Variants in SLC6A3 observed in about 807,000 individuals in gnomAD.
The protein encoded by SLC6A3 is sodium-dependent dopamine transporter.
A neutral mutation model predicts 70.4 loss-of-function variants in SLC6A3; 19 were observed. That is an observed-to-expected ratio of 0.27 (90% CI 0.19 to 0.40). The LOEUF (loss-of-function observed/expected upper bound fraction) is 0.40. SLC6A3 is among the 10% of genes least tolerant of loss of function. The pLI, the probability that SLC6A3 is intolerant of heterozygous loss-of-function variation, is 1.00. For synonymous variants in SLC6A3, 368 were observed against 356.6 expected (o/e 1.03, Z -0.36); for missense variants, 613 against 838.5 (o/e 0.73, Z 3.32).
Position 1,432,498 on chromosome 5 carries a change from T to C in SLC6A3, c.619A>G (p.Thr207Ala), listed in dbSNP as rs1560923401. The C allele has an allele frequency of 6.2e-7, 1 of 1,614,140 alleles. No homozygotes were observed. Among genetic ancestry groups the C allele is most frequent in the Non-Finnish European group, 8.5e-7 (1 of 1,180,004 alleles). Residue 207 changes from threonine to alanine, a missense_variant, in exon 4 of 15, where the codon ACT (threonine) becomes GCT (alanine). Physicochemically the swap from Thr to Ala is moderately conservative, Grantham distance 58 (BLOSUM62 0). This residue lies in a region of SLC6A3 where 153 missense variants were observed against 249.4 expected (regional missense o/e 0.61). Coordinates refer to ENST00000270349, the MANE Select transcript of SLC6A3 (RefSeq NM_001044.5). Reference protein sequence around the residue: ...SSGDSSGLNDTFGTTPAAEYF... With the variant: ...SSGDSSGLNDAFGTTPAAEYF... ...TCGGCAGCAGGTGTGGTCCCAAAAGTGTCGTTGAGGCCCGAGCTGTCTCCA... is the reference window on the plus strand; with the variant it reads ...TCGGCAGCAGGTGTGGTCCCAAAAGCGTCGTTGAGGCCCGAGCTGTCTCCA...
chr5:1,443,785 C>T (rs999432251), intron 1 of SLC6A3, among the ~76,000 whole-genome samples: 2 of 152,170 alleles, frequency 1.3e-5, no homozygotes, highest in African/African-American at 4.8e-5. Flanking sequence ...CCTTGCACCT[C>T]AGCCTCCTGA....
chr5:1,394,532 C>G lies in SLC6A3; in HGVS notation c.*203G>C. On this transcript the variant is annotated 3_prime_UTR_variant, in exon 15 of 15. Coordinates refer to ENST00000270349, the MANE Select transcript of SLC6A3 (RefSeq NM_001044.5). This position sits in a 1 kb window ranked among gnomAD's most constrained non-coding sequence, Gnocchi z 4.7. Reference sequence around the variant, plus strand: ...CAGATCTACGTCGTTATTACAGCAACACAAGACACGGCGAGGTGCGCTCCC... The same window carrying G: ...CAGATCTACGTCGTTATTACAGCAAGACAAGACACGGCGAGGTGCGCTCCC... 1.5e-6 allele frequency: 1 copy of G among 678,660 alleles called. No individual in the cohort carries two copies. The highest frequency in any genetic ancestry group is 2.7e-6 in the Non-Finnish European group (1 of 372,484). 42.0% of individuals were successfully genotyped at this position (678,660 alleles called of 1,614,324 possible).
rs184403978 is a variant in SLC6A3, at chr5:1,396,416, C to T, written c.1840-1658G>A. On this transcript the variant is annotated intron_variant, in intron 14 of 14. Transcript: ENST00000270349. This position sits in a 1 kb window ranked among gnomAD's most constrained non-coding sequence, Gnocchi z 7.0. Reference sequence around the variant, plus strand: ...TCCCTGAGGGAAGCCAACAAGGAGGCCCCCCTGCCACCCTGCTCGCTGCCT... The same window carrying T: ...TCCCTGAGGGAAGCCAACAAGGAGGTCCCCCTGCCACCCTGCTCGCTGCCT... Among the ~76,000 whole-genome samples the T allele has an allele frequency of 4.6e-5, 7 of 152,320 alleles. No individual in the cohort carries two copies. Among genetic ancestry groups the T allele is most frequent in the South Asian group, 4.1e-4 (2 of 4,826 alleles).
At chr5:1,414,949 G>T in intron 7 of SLC6A3, 134 bp from the exon 8 acceptor site, 4 of 1,106,004 alleles carry the variant, frequency 3.6e-6, no homozygotes, top group East Asian at 2.5e-5. Flanking sequence ...TTCCCAGTGA[G>T]CACGGCCAGC....
In SLC6A3 at chr5:1,411,411, T is replaced by C. The variant is rs1465379185; in HGVS notation, c.1157-56A>G. On this transcript the variant is annotated intron_variant, in intron 8 of 14. Transcript: ENST00000270349. This position sits in a 1 kb window ranked among gnomAD's most constrained non-coding sequence, Gnocchi z 6.5. ...AGCCCACGCTGTGCTCTCCCGCCCA[T>C]CCTGCCCCACCCCGCCCCGAGAAGC... 3.1e-6 allele frequency: 4 copies of C among 1,311,030 alleles called. No homozygotes were observed. In the Admixed American group the frequency reaches 5.9e-5, roughly 19 times the overall value. 81.2% of individuals were successfully genotyped at this position (1,311,030 alleles called of 1,614,324 possible).
Position 1,406,121 on chromosome 5 carries a change from CG to C in SLC6A3, c.1599+66del. ...CAACCCACATGCGGGCGCTGGACCT[CG>C]GGGCAGGTGCCAGAGTGGGGGCAGT... On this transcript the variant is annotated intron_variant, in intron 12 of 14. Coordinates refer to ENST00000270349, the MANE Select transcript of SLC6A3 (RefSeq NM_001044.5). This position sits in a 1 kb window ranked among gnomAD's most constrained non-coding sequence, Gnocchi z 8.8. 8.4e-7 allele frequency: 1 copy of C among 1,197,108 alleles called. No homozygotes were observed. Among genetic ancestry groups the C allele is most frequent in the Non-Finnish European group, 1.2e-6 (1 of 800,792 alleles). The allele number at this position is 1,197,108 out of a possible 1,614,324, so 74.2% of individuals were successfully genotyped here.
Position 1,438,604 on chromosome 5 carries a change from C to A in SLC6A3, c.418+2755G>T, listed in dbSNP as rs368823689. 6.6e-6 allele frequency among the ~76,000 whole-genome samples: 1 copy of A among 152,212 alleles called. No homozygotes were observed. Among genetic ancestry groups the A allele is most frequent in the Non-Finnish European group, 1.5e-5 (1 of 68,038 alleles). On this transcript the variant is annotated intron_variant, in intron 3 of 14. Coordinates refer to ENST00000270349, the MANE Select transcript of SLC6A3 (RefSeq NM_001044.5). This position sits in a 1 kb window ranked among gnomAD's most constrained non-coding sequence, Gnocchi z 6.5. The stretch of plus-strand genomic sequence containing the variant: ...AACGGCAGCTTTGTTGGTGAACATC[C>A]TTTCTGTGTGACAGACGGAAGGAAA...
At chr5:1,395,169 TG>T (rs368214735) in intron 14 of SLC6A3, among the ~76,000 whole-genome samples, 208 of 152,238 alleles carry the variant, frequency 1.4e-3, no homozygotes, top group African/African-American at 4.6e-3. Context: ...TCCACCTTCC[TG>T]GGGGCCTCAG....
In SLC6A3 at chr5:1,404,514, A is replaced by G. The variant is rs1408438301; in HGVS notation, c.1600-1425T>C. Among the ~76,000 whole-genome samples, 2 of 152,218 alleles carry G rather than the reference A, an allele frequency of 1.3e-5. No individual in the cohort carries two copies. The highest frequency in any genetic ancestry group is 6.5e-5 in the Admixed American group (1 of 15,282). On this transcript the variant is annotated intron_variant, in intron 12 of 14. Transcript: ENST00000270349. This position sits in a 1 kb window ranked among gnomAD's most constrained non-coding sequence, Gnocchi z 5.2. ...TCCCCAGGCCACAGTCTGCCCATGT[A>G]AGTTGCCTTTGCTCCGGCATAATTT... is the stretch of plus-strand genomic sequence containing the variant.
chr5:1,397,531 T>C lies in SLC6A3; in HGVS notation c.1840-2773A>G, dbSNP rs202193286. On this transcript the variant is annotated intron_variant, in intron 14 of 14. Transcript: ENST00000270349. The surrounding 1 kb of genome is among the most constrained non-coding windows in gnomAD (Gnocchi z 4.7). The stretch of plus-strand genomic sequence containing the variant: ...CGAAAGCAGAAGAAACTCGGCCGAG[T>C]GCAGGGGTGAGGACAGAGCCCACCA... 2.0e-5 allele frequency among the ~76,000 whole-genome samples: 3 copies of C among 151,374 alleles called. No homozygotes were observed. Among genetic ancestry groups the C allele is most frequent in the Admixed American group, 6.6e-5 (1 of 15,222 alleles).
At chr5:1,435,142 C>T (rs1286998411) in intron 3 of SLC6A3, among the ~76,000 whole-genome samples, 2 of 152,114 alleles carry the variant, frequency 1.3e-5, no homozygotes, top group African/African-American at 2.4e-5. Flanking sequence ...CCTTCTCCCA[C>T]GTGGATCTGG....
At position 1,411,077 on chromosome 5, in the gene SLC6A3, G is replaced by A. The variant is rs916024302; in HGVS notation, c.1269+166C>T. The stretch of plus-strand genomic sequence containing the variant: ...TCCAGTCACCACTCACTCCAGCCCC[G>A]AGAAAGGTCTCCCAAATAATCACGG... On this transcript the variant is annotated intron_variant, in intron 9 of 14. Transcript: ENST00000270349. This position sits in a 1 kb window ranked among gnomAD's most constrained non-coding sequence, Gnocchi z 6.5. 3.3e-5 allele frequency among the ~76,000 whole-genome samples: 5 copies of A among 152,102 alleles called. No homozygotes were observed. Among genetic ancestry groups the A allele is most frequent in the Admixed American group, 1.3e-4 (2 of 15,272 alleles).
intron 6 of SLC6A3, among the ~76,000 whole-genome samples, chr5:1,418,431 CATCT>C (rs1560915789): frequency 1.3e-5 from 2 of 152,182 alleles, no homozygotes; most frequent in Admixed American, 6.5e-5. Flanking sequence ...CTATCACTGT[CATCT>C]ATCAATCCAT....
chr5:1,403,519 C>T (rs1755902511), intron 12 of SLC6A3, among the ~76,000 whole-genome samples: 1 of 147,086 alleles, frequency 6.8e-6, no homozygotes, highest in Admixed American at 6.8e-5. Flanking sequence ...TATTACATCA[C>T]ATCCGGCTCT....
intron 4 of SLC6A3, among the ~76,000 whole-genome samples, chr5:1,422,308 T>G (rs1328829790): frequency 6.6e-6 from 1 of 151,296 alleles, no homozygotes; most frequent in Non-Finnish European, 1.5e-5. Context: ...CTTGGGTCTT[T>G]GAAGAAAAGG....
chr5:1,439,105 G>A lies in SLC6A3; in HGVS notation c.418+2254C>T, dbSNP rs537228362. ...TTCACTGCAACGCCGGATTTGACACGCGCCCCTGTCTGTCTGTAACAACAG... is the reference window on the plus strand; with the variant it reads ...TTCACTGCAACGCCGGATTTGACACACGCCCCTGTCTGTCTGTAACAACAG... On this transcript the variant is annotated intron_variant, in intron 3 of 14. Transcript: ENST00000270349. 1.1e-4 allele frequency among the ~76,000 whole-genome samples: 16 copies of A among 152,182 alleles called. No homozygotes were observed. The East Asian group carries it at 1.2e-3, about 11-fold the overall frequency.
chr5:1,434,257 G>A (rs970684604), intron 3 of SLC6A3, among the ~76,000 whole-genome samples: 1 of 152,204 alleles, frequency 6.6e-6, no homozygotes, highest in African/African-American at 2.4e-5. Flanking sequence ...GGCTTCCTTG[G>A]GCCACCCAGA....
At chr5:1,414,126 C>T (rs528350729) in intron 8 of SLC6A3, among the ~76,000 whole-genome samples, 20 of 152,220 alleles carry the variant, frequency 1.3e-4, no homozygotes, top group East Asian at 5.8e-4. Context: ...CTGATGTTTG[C>T]GGCATCCCAG....
chr5:1,430,765 C>T (rs1456578577), intron 4 of SLC6A3, among the ~76,000 whole-genome samples: 2 of 152,254 alleles, frequency 1.3e-5, no homozygotes, highest in Non-Finnish European at 2.9e-5. Flanking sequence ...GGATGATCCT[C>T]CCCCAGCAGA....
Sources: gnomAD v4.1 joint callset for allele counts (sites outside exome capture counted in the v4.1 genomes callset) on GRCh38, gnomAD v4.1.1 for gene constraint, gnomAD v4.1.1 regional missense constraint, Gnocchi (gnomAD v3.1) non-coding constraint, MANE v1.5 for transcripts, NCBI Gene and HGNC (gene_info 2026-07-23, HGNC 2026-07-21) for gene names.